Variants in CDK5RAP1 observed in about 807,000 individuals in gnomAD.
CDK5RAP1 encodes the protein mitochondrial tRNA methylthiotransferase CDK5RAP1.
Under a neutral mutation model 64.5 loss-of-function variants are expected in CDK5RAP1, and 62 were observed. The ratio of observed to expected loss-of-function variants is 0.96; its 90% CI spans 0.78 to 1.19. The LOEUF (loss-of-function observed/expected upper bound fraction) is 1.19. CDK5RAP1 is among the 50% of genes most tolerant of loss of function. CDK5RAP1 has a pLI of 0.00. For synonymous variants in CDK5RAP1, 250 were observed against 261.9 expected, an observed-to-expected ratio of 0.95 and a Z score of 0.44; for missense variants, 657 against 735.0, an observed-to-expected ratio of 0.89 and a Z score of 1.23.
intron 12 of CDK5RAP1, among the ~76,000 whole-genome samples, chr20:33,363,591 T>C (rs1983337019): frequency 6.6e-6 from 1 of 150,722 alleles, no homozygotes; most frequent in East Asian, 1.9e-4. Context: ...TTTACAGTAA[T>C]TTTTTTTTTA....
chr20:33,395,733 C>T (rs1199301342), intron 2 of CDK5RAP1, among the ~76,000 whole-genome samples: 1 of 152,174 alleles, frequency 6.6e-6, no homozygotes, highest in South Asian at 2.1e-4. Context: ...AAGGACTAGG[C>T]CGAGGGTGGT....
At chr20:33,371,223 G>A (rs1984963254) in intron 10 of CDK5RAP1, among the ~76,000 whole-genome samples, 1 of 152,168 alleles carries the variant, frequency 6.6e-6, no homozygotes, top group South Asian at 2.1e-4. Context: ...AGCCCAGGGA[G>A]GTCAAGGCTG....
intron 11 of CDK5RAP1, among the ~76,000 whole-genome samples, chr20:33,368,334 C>T (rs186789448): frequency 6.6e-6 from 1 of 152,180 alleles, no homozygotes; most frequent in Non-Finnish European, 1.5e-5. Flanking sequence ...CATTCTGTTG[C>T]CAAACCGGAG....
intron 12 of CDK5RAP1, among the ~76,000 whole-genome samples, chr20:33,362,752 T>C (rs1246762178): frequency 6.6e-6 from 1 of 152,034 alleles, no homozygotes; most frequent in East Asian, 1.9e-4. Flanking sequence ...ATACACTGAG[T>C]GAGTGGTACC....
At position 33,395,072 on chromosome 20, in the gene CDK5RAP1, CTG is replaced by C. The variant is rs1988772549; in HGVS notation, c.347_348del (p.Thr116ArgfsTer17). 1 of 1,613,872 alleles carries C rather than the reference CTG, an allele frequency of 6.2e-7. No homozygotes were observed. Among genetic ancestry groups the C allele is most frequent in the Non-Finnish European group, 8.5e-7 (1 of 1,179,780 alleles). The part of the protein sequence containing the change: ...TYGCQMNVND[T>X]EIAWSILQKS... ...TTCTGTAAGATGGACCAGGCTATCT[CTG>C]TGTCATTCACATTCATCTGGCAGCC... On this transcript the variant is annotated frameshift_variant, in exon 3 of 14. Coordinates refer to ENST00000346416, the MANE Select transcript of CDK5RAP1 (RefSeq NM_016408.4). LOFTEE classifies it high-confidence loss of function.
In CDK5RAP1 at chr20:33,380,892, A is replaced by G. The variant is rs150751272; in HGVS notation, c.877-1201T>C. Among the ~76,000 whole-genome samples, 421 of 152,070 alleles carry G rather than the reference A, an allele frequency of 2.8e-3. 3 individuals are homozygous for G. Among genetic ancestry groups the G allele is most frequent in the African/African-American group, 9.9e-3 (413 of 41,522 alleles). ...TGGCAGGCACCTAATCCCAGCTACT[A>G]AGGAGGGTGAGGCAGGAGAATCGCT... is the stretch of plus-strand genomic sequence containing the variant. On this transcript the variant is annotated intron_variant, in intron 7 of 13. Coordinates refer to ENST00000346416, the MANE Select transcript of CDK5RAP1 (RefSeq NM_016408.4).
At chr20:33,374,019 C>A in intron 9 of CDK5RAP1, 96 bp downstream of exon 9, 1 of 829,662 alleles carries the variant, frequency 1.2e-6, no homozygotes, top group South Asian at 1.5e-5. Context: ...TACTTTGTGC[C>A]ACACACTATG....
intron 11 of CDK5RAP1, among the ~76,000 whole-genome samples, chr20:33,367,230 C>G (rs1243503971): frequency 6.6e-6 from 1 of 152,090 alleles, no homozygotes; most frequent in Non-Finnish European, 1.5e-5. Flanking sequence ...AAATTTAGCA[C>G]ATGAAAATCA....
chr20:33,361,653 G>T (rs144315636), intron 12 of CDK5RAP1, among the ~76,000 whole-genome samples: 67 of 151,042 alleles, frequency 4.4e-4, no homozygotes, highest in Non-Finnish European at 6.6e-4. Context: ...AAACTATCCA[G>T]AGAATAAAAA....
intron 8 of CDK5RAP1, 47 bp from the exon 9 acceptor site, chr20:33,374,259 A>G (rs1192752438): frequency 5.5e-6 from 7 of 1,281,932 alleles, no homozygotes; most frequent in Admixed American, 3.4e-5. Flanking sequence ...TCACCAAAGA[A>G]CCTTACAGAA....
chr20:33,359,205 C>A lies in CDK5RAP1; in HGVS notation c.1684-82G>T, dbSNP rs184316315. ...TCATGTGGAGCCTCTAGAGGAGAAGCCCCCAAAAGGAATCTGATGGAGGCG... is the reference window on the plus strand; with the variant it reads ...TCATGTGGAGCCTCTAGAGGAGAAGACCCCAAAAGGAATCTGATGGAGGCG... On this transcript the variant is annotated intron_variant, in intron 13 of 13. Coordinates refer to ENST00000346416, the MANE Select transcript of CDK5RAP1 (RefSeq NM_016408.4). The A allele has an allele frequency of 4.6e-5, 49 of 1,056,792 alleles. 1 individual carries two copies. The Admixed American group carries it at 8.7e-4, about 19-fold the overall frequency. 65.5% of individuals were successfully genotyped at this position (1,056,792 alleles called of 1,614,324 possible).
intron 13 of CDK5RAP1, 182 bp from the exon 14 acceptor site, chr20:33,359,305 T>C: frequency 1.7e-6 from 1 of 585,700 alleles, no homozygotes; most frequent in Non-Finnish European, 3.0e-6. Context: ...GGAATGGCAA[T>C]GGATATAATT....
intron 8 of CDK5RAP1, among the ~76,000 whole-genome samples, chr20:33,378,260 G>C (rs554819601): frequency 1.3e-5 from 2 of 152,298 alleles, no homozygotes; most frequent in South Asian, 2.1e-4. Context: ...AGAGAATAGG[G>C]AGGCCTGAGG....
At chr20:33,398,517 A>C (rs1202759203) in intron 1 of CDK5RAP1, among the ~76,000 whole-genome samples, 1 of 152,042 alleles carries the variant, frequency 6.6e-6, no homozygotes, top group Non-Finnish European at 1.5e-5. Context: ...AAGATATTCA[A>C]TGCAACAGTG....
chr20:33,385,438 C>T (rs148742025), intron 7 of CDK5RAP1, among the ~76,000 whole-genome samples: 58 of 152,344 alleles, frequency 3.8e-4, no homozygotes, highest in African/African-American at 1.4e-3. Flanking sequence ...TGACTGTAAT[C>T]TCATGCCCTC....
intron 7 of CDK5RAP1, among the ~76,000 whole-genome samples, chr20:33,384,985 AGG>A (rs1474673848): frequency 6.6e-6 from 1 of 152,226 alleles, no homozygotes; most frequent in Non-Finnish European, 1.5e-5. Flanking sequence ...GTAAGGAAGC[AGG>A]GAGACACCAC....
intron 12 of CDK5RAP1, 73 bp downstream of exon 12, chr20:33,366,786 A>C (rs1397521064): frequency 4.1e-6 from 6 of 1,448,336 alleles, no homozygotes. Flanking sequence ...AGGCAACATA[A>C]TGAGGAAAAA....
chr20:33,359,293 A>G, intron 13 of CDK5RAP1, 170 bp from the exon 14 acceptor site: 1 of 593,784 alleles, frequency 1.7e-6, no homozygotes, highest in Non-Finnish European at 3.0e-6. Context: ...GCGAGGTCTC[A>G]TGGAATGGCA....
chr20:33,395,737 G>A (rs1033036180), intron 2 of CDK5RAP1, among the ~76,000 whole-genome samples: 1 of 152,230 alleles, frequency 6.6e-6, no homozygotes, highest in African/African-American at 2.4e-5. Context: ...ACTAGGCCGA[G>A]GGTGGTGGCT....
Sources: gnomAD v4.1 joint callset for allele counts (sites outside exome capture counted in the v4.1 genomes callset) on GRCh38, gnomAD v4.1.1 for gene constraint, MANE v1.5 for transcripts, NCBI Gene and HGNC (gene_info 2026-07-23, HGNC 2026-07-21) for gene names.